PHKB: variants seen among roughly 807,000 people sequenced by gnomAD.
PHKB encodes the protein phosphorylase kinase regulatory subunit beta.
PHKB carries 122 observed loss-of-function variants against 152.1 expected under a neutral mutation model. The observed-to-expected ratio is 0.80, with a 90% CI of 0.69 to 0.93. The LOEUF is 0.93. Ranked by LOEUF, PHKB falls within the 40% of genes least tolerant of loss-of-function variation. The pLI, the probability that PHKB is intolerant of heterozygous loss-of-function variation, is 0.00. For missense variants in PHKB, 1,304 were observed against 1,328.4 expected, an observed-to-expected ratio of 0.98 and a Z score of 0.29; for synonymous variants, 436 against 464.9, an observed-to-expected ratio of 0.94 and a Z score of 0.80.
intron 7 of PHKB, chr16:47,566,427 T>C (rs1197731524): frequency 9.3e-6 from 15 of 1,609,292 alleles, no homozygotes; most frequent in South Asian, 7.7e-5. Flanking sequence ...AGACTCTTCA[T>C]TGAGACTCAG....
At chr16:47,549,917 T>G (rs1289578382) in intron 7 of PHKB, among the ~76,000 whole-genome samples, 1 of 152,190 alleles carries the variant, frequency 6.6e-6, no homozygotes, top group African/African-American at 2.4e-5. Flanking sequence ...TGCCATCGTT[T>G]GCATGCAAAA....
intron 14 of PHKB, among the ~76,000 whole-genome samples, chr16:47,616,497 A>G (rs974355869): frequency 2.7e-5 from 4 of 145,798 alleles, no homozygotes; most frequent in Non-Finnish European, 6.0e-5. Context: ...TATATTTTAT[A>G]TATTTATATG....
Position 47,625,064 on chromosome 16 carries a change from T to C in PHKB, c.1458+14144T>C, listed in dbSNP as rs560669075. ...TCTAAATCCAGTCCTATCAGAATTC[T>C]GTTTTCTAAATAGTCCCCAAATATT... On this transcript the variant is annotated intron_variant, in intron 14 of 30. Coordinates refer to ENST00000323584, the MANE Select transcript of PHKB (RefSeq NM_000293.3). Among the ~76,000 whole-genome samples the C allele has an allele frequency of 1.3e-4, 20 of 152,342 alleles. 1 individual carries two copies. The East Asian group carries it at 3.7e-3, about 28-fold the overall frequency.
intron 14 of PHKB, among the ~76,000 whole-genome samples, chr16:47,627,003 T>A (rs1445512311): frequency 6.6e-6 from 1 of 152,194 alleles, no homozygotes; most frequent in East Asian, 1.9e-4. Flanking sequence ...CTTCTTTTTC[T>A]CCCATGATTC....
intron 1 of PHKB, among the ~76,000 whole-genome samples, chr16:47,479,866 A>G (rs772446876): frequency 5.9e-5 from 9 of 152,084 alleles, no homozygotes; most frequent in African/African-American, 1.2e-4. Flanking sequence ...TTTCACTGGT[A>G]TGGCACTCTG....
chr16:47,562,344 A>G (rs1971489739), intron 7 of PHKB: 1 of 152,234 alleles, frequency 6.6e-6, no homozygotes, highest in Non-Finnish European at 1.5e-5. Context: ...CACTTTGTCC[A>G]CATAGCTAGC....
rs984903056 is a variant in PHKB at position 47,654,334 on chromosome 16, A to G, written c.1971+3413A>G. Among the ~76,000 whole-genome samples, 7 of 152,316 alleles carry G rather than the reference A, an allele frequency of 4.6e-5. No individual in the cohort carries two copies. The East Asian group carries it at 1.2e-3, about 25-fold the overall frequency. On this transcript the variant is annotated intron_variant, in intron 20 of 30. Coordinates refer to ENST00000323584, the MANE Select transcript of PHKB (RefSeq NM_000293.3). The stretch of plus-strand genomic sequence containing the variant: ...CTGGAGAGGATGTGGAGAAATAGGA[A>G]CACTTTTACACTGTTGGTGGGACTG...
intron 4 of PHKB, among the ~76,000 whole-genome samples, chr16:47,506,326 A>C (rs924137726): frequency 3.3e-5 from 5 of 152,224 alleles, no homozygotes; most frequent in African/African-American, 1.2e-4. Flanking sequence ...AATGTTATAG[A>C]GAAAAAGTAT....
At chr16:47,688,098 C>T (rs930037697) in intron 26 of PHKB, among the ~76,000 whole-genome samples, 33 of 152,224 alleles carry the variant, frequency 2.2e-4, no homozygotes, top group African/African-American at 7.9e-4. Flanking sequence ...AAAGAGAAGG[C>T]GTGGGGGAGA....
At chr16:47,665,790 CT>C in intron 25 of PHKB, 1 of 709,484 alleles carries the variant, frequency 1.4e-6, no homozygotes, top group Non-Finnish European at 2.6e-6. Flanking sequence ...GAAATTTCAG[CT>C]GTTAGGTTCA....
At chr16:47,510,015 C>A (rs1055540829) in intron 4 of PHKB, among the ~76,000 whole-genome samples, 3 of 152,150 alleles carry the variant, frequency 2.0e-5, no homozygotes, top group African/African-American at 7.2e-5. Flanking sequence ...TATAACAGCT[C>A]ACAGAACTTG....
Position 47,596,436 on chromosome 16 carries a change from A to G in PHKB, c.1268A>G (p.Asn423Ser), listed in dbSNP as rs1972120942. Reference sequence around the variant, plus strand: ...GACTTTGTAGAATATGAAAAAAATAACCCTGGTAGTCAAAAACGATTTCCT... The same window carrying G: ...GACTTTGTAGAATATGAAAAAAATAGCCCTGGTAGTCAAAAACGATTTCCT... Reference protein sequence around the residue: ...PADFVEYEKNNPGSQKRFPSN... With the variant: ...PADFVEYEKNSPGSQKRFPSN... Residue 423 changes from asparagine (N) to serine (S), a missense_variant, in exon 13 of 31, where the codon AAC becomes AGC. Asn to Ser is a conservative substitution (Grantham distance 46, BLOSUM62 1). Transcript: ENST00000323584. 6.2e-7 allele frequency: 1 copy of G among 1,612,606 alleles called. No individual in the cohort carries two copies. Among genetic ancestry groups the G allele is most frequent in the African/African-American group, 1.3e-5 (1 of 74,880 alleles).
rs1973909295 is a variant in PHKB at position 47,683,780 on chromosome 16, CTGTT to C, written c.2631-5258_2631-5255del. Among the ~76,000 whole-genome samples the C allele has an allele frequency of 2.0e-5, 3 of 152,292 alleles. No homozygotes were observed. In the South Asian group the frequency reaches 6.2e-4, roughly 32 times the overall value. ...CACTTCACCCACTGTCCTGCACCCA[CTGTT>C]TGGCACTCCCTAGGGAGATGAACCC... On this transcript the variant is annotated intron_variant, in intron 26 of 30. Coordinates refer to ENST00000323584, the MANE Select transcript of PHKB (RefSeq NM_000293.3).
At chr16:47,495,666 T>G (rs572620049) in intron 1 of PHKB, among the ~76,000 whole-genome samples, 2 of 152,320 alleles carry the variant, frequency 1.3e-5, no homozygotes, top group African/African-American at 2.4e-5. Flanking sequence ...TACCTTATGC[T>G]CTAGCAGTGG....
intron 3 of PHKB, 105 bp from the exon 4 acceptor site, chr16:47,502,886 C>T: frequency 6.6e-6 from 5 of 752,186 alleles, no homozygotes; most frequent in Non-Finnish European, 1.2e-5. Flanking sequence ...TAGACATCAC[C>T]AGAACACAGG....
At chr16:47,593,422 A>C (rs1972065081) in intron 10 of PHKB, 78 bp from the exon 11 acceptor site, 1 of 815,530 alleles carries the variant, frequency 1.2e-6, no homozygotes, top group Non-Finnish European at 2.0e-6. Flanking sequence ...CCTGGGCCAC[A>C]GAGTGAGATC....
chr16:47,661,894 A>G, intron 23 of PHKB, 94 bp downstream of exon 23: 1 of 841,982 alleles, frequency 1.2e-6, no homozygotes, highest in Non-Finnish European at 2.1e-6. Context: ...AAATGTTACA[A>G]GTTATTTCCC....
At chr16:47,472,080 A>G (rs774225743) in intron 1 of PHKB, among the ~76,000 whole-genome samples, 7 of 152,136 alleles carry the variant, frequency 4.6e-5, no homozygotes, top group Admixed American at 6.5e-5. Context: ...ATATGTGCGA[A>G]ATACATGTGT....
At chr16:47,693,933 T>C (rs1159164211) in intron 28 of PHKB, among the ~76,000 whole-genome samples, 2 of 152,194 alleles carry the variant, frequency 1.3e-5, no homozygotes, top group African/African-American at 4.8e-5. Context: ...TAAGTGTGGG[T>C]ACCCCTTCAC....
Sources: gnomAD v4.1 joint callset for allele counts (sites outside exome capture counted in the v4.1 genomes callset) on GRCh38, gnomAD v4.1.1 for gene constraint, MANE v1.5 for transcripts, NCBI Gene and HGNC (gene_info 2026-07-23, HGNC 2026-07-21) for gene names.